Variants in CAMTA1 observed in about 807,000 individuals in gnomAD.
The protein encoded by CAMTA1 is calmodulin-binding transcription activator 1.
A neutral mutation model predicts 170.9 loss-of-function variants in CAMTA1; 27 were observed. The observed-to-expected ratio is 0.16, with a 90% CI of 0.12 to 0.22. The LOEUF (loss-of-function observed/expected upper bound fraction) is 0.22. Among genes scored for constraint, CAMTA1 ranks in the 10% least tolerant of loss-of-function variants. The pLI, the probability that CAMTA1 is intolerant of heterozygous loss-of-function variation, is 1.00. For synonymous variants in CAMTA1, 833 were observed against 891.5 expected, an observed-to-expected ratio of 0.93 and a Z score of 1.17; for missense variants, 1,619 against 2,217.2, an observed-to-expected ratio of 0.73 and a Z score of 5.42.
At chr1:7,266,890 G>A (rs928090572) in intron 5 of CAMTA1, among the ~76,000 whole-genome samples, 11 of 152,298 alleles carry the variant, frequency 7.2e-5, no homozygotes, top group African/African-American at 1.9e-4. Flanking sequence ...GAGGGGGCGC[G>A]GTGGAGGGGC....
intron 5 of CAMTA1, among the ~76,000 whole-genome samples, chr1:7,379,720 T>C (rs2087128839): frequency 6.6e-6 from 1 of 152,214 alleles, no homozygotes; most frequent in African/African-American, 2.4e-5. Context: ...CAGGCAGCAT[T>C]AAAAGGGGAC....
At chr1:7,590,243 C>CCTG (rs973109072) in intron 6 of CAMTA1, among the ~76,000 whole-genome samples, 5 of 152,180 alleles carry the variant, frequency 3.3e-5, no homozygotes, top group Admixed American at 2.6e-4. Flanking sequence ...TCATCAAGGC[C>CCTG]CTGCTGCTGC....
At chr1:6,795,865 TAGTC>T (rs751026703) in intron 1 of CAMTA1, among the ~76,000 whole-genome samples, 45 of 152,336 alleles carry the variant, frequency 3.0e-4, no homozygotes, top group Non-Finnish European at 5.7e-4. Flanking sequence ...AGTTTACCAT[TAGTC>T]AGCCCATAAA....
chr1:7,245,278 G>T, intron 4 of CAMTA1, among the ~76,000 whole-genome samples: 1 of 150,278 alleles, frequency 6.7e-6, no homozygotes. Context: ...TAAGCTATTG[G>T]CTGATAATCT....
chr1:7,226,474 G>T (rs1661712167), intron 4 of CAMTA1, among the ~76,000 whole-genome samples: 1 of 152,110 alleles, frequency 6.6e-6, no homozygotes, highest in East Asian at 1.9e-4. Context: ...CTCTGATAAA[G>T]ATAGAACAGG....
rs1442790426 is a variant in CAMTA1 at position 7,548,822 on chromosome 1, TA to T, written c.510+80922del. ...GGAGGTGCTGGTGGAGGGCACCCCTTAGGGGTGGAGGTGCCCGTGGAGGGTG... is the reference window on the plus strand; with the variant it reads ...GGAGGTGCTGGTGGAGGGCACCCCTTGGGGTGGAGGTGCCCGTGGAGGGTG... On this transcript the variant is annotated intron_variant, in intron 6 of 22. Coordinates refer to ENST00000303635, the MANE Select transcript of CAMTA1 (RefSeq NM_015215.4). Among the ~76,000 whole-genome samples the T allele has an allele frequency of 3.9e-5, 4 of 102,190 alleles. 1 individual carries two copies. Among genetic ancestry groups the T allele is most frequent in the East Asian group, 4.2e-4 (1 of 2,380 alleles). The allele number at this position is 102,190 out of a possible 152,430, so 67.0% of individuals were successfully genotyped here.
At chr1:7,135,593 C>T (rs1645496497) in intron 4 of CAMTA1, among the ~76,000 whole-genome samples, 1 of 152,040 alleles carries the variant, frequency 6.6e-6, no homozygotes, top group Non-Finnish European at 1.5e-5. Flanking sequence ...CACTCCCAGG[C>T]CATTGTCATC....
rs898736985 is a variant in CAMTA1, at chr1:7,010,680, G to A, written c.235-80624G>A. 1.3e-5 allele frequency among the ~76,000 whole-genome samples: 2 copies of A among 152,152 alleles called. No individual in the cohort carries two copies. The highest frequency in any genetic ancestry group is 4.8e-5 in the African/African-American group (2 of 41,426). On this transcript the variant is annotated intron_variant, in intron 3 of 22. Coordinates refer to ENST00000303635, the MANE Select transcript of CAMTA1 (RefSeq NM_015215.4). This position sits in a 1 kb window ranked among gnomAD's most constrained non-coding sequence, Gnocchi z 4.4. ...CTGGCACCGAATAGGTGCTGTTTAC[G>A]TGATAGCTTGTATGGTTGGCTCTCC... is the stretch of plus-strand genomic sequence containing the variant.
At chr1:7,755,919 G>C (rs934455728) in intron 22 of CAMTA1, among the ~76,000 whole-genome samples, 5 of 152,182 alleles carry the variant, frequency 3.3e-5, no homozygotes, top group African/African-American at 1.2e-4. Flanking sequence ...AACCACTGCA[G>C]GGCATGCCGA....
intron 11 of CAMTA1, among the ~76,000 whole-genome samples, chr1:7,715,597 C>A (rs1213267428): frequency 1.3e-5 from 2 of 152,194 alleles, no homozygotes; most frequent in Admixed American, 6.5e-5. Context: ...GTGCCAGCCA[C>A]ATCCCCCTTT....
intron 5 of CAMTA1, among the ~76,000 whole-genome samples, chr1:7,377,987 G>T (rs776731879): frequency 3.9e-5 from 6 of 152,182 alleles, no homozygotes; most frequent in Admixed American, 1.3e-4. Context: ...TTTACATATT[G>T]TGTGGCTTTT....
rs115293855 is a variant in CAMTA1 at position 7,238,476 on chromosome 1, C to T, written c.303-11015C>T. ...ACGTGAAGAATAGAACATGGAATGA[C>T]CAAGACTCGCTGCAGAGCAAGACTG... On this transcript the variant is annotated intron_variant, in intron 4 of 22. Transcript: ENST00000303635. 3.8e-3 allele frequency among the ~76,000 whole-genome samples: 577 copies of T among 152,328 alleles called. 2 individuals are homozygous for T. The highest frequency in any genetic ancestry group is 5.7e-3 in the Non-Finnish European group (389 of 68,022).
In CAMTA1 at chr1:7,663,555, G is replaced by A. The variant is rs763522607; in HGVS notation, c.1008G>A (p.Leu336=). 3 of 1,610,238 alleles carry A rather than the reference G, an allele frequency of 1.9e-6. No individual in the cohort carries two copies. In the East Asian group the frequency reaches 6.7e-5, roughly 36 times the overall value. ...RNGKVAKPVL[L]HQSSTEVSST... is the part of the protein sequence containing the mutation. The stretch of plus-strand genomic sequence containing the variant: ...GCAAGGTGGCCAAGCCCGTGCTCCT[G>A]CACCAGAGCAGCACCGAGGTCTCCT... The change falls in exon 9 of 23, where the codon CTG becomes CTA. Residue 336 remains leucine (L), a synonymous_variant. Transcript: ENST00000303635.
At chr1:7,370,835 T>C (rs2086384448) in intron 5 of CAMTA1, among the ~76,000 whole-genome samples, 1 of 152,036 alleles carries the variant, frequency 6.6e-6, no homozygotes, top group Non-Finnish European at 1.5e-5. Context: ...CCCCTTGTCC[T>C]TCCCACCAAA....
intron 3 of CAMTA1, among the ~76,000 whole-genome samples, chr1:7,021,403 TTGTC>T (rs1240355190): frequency 6.8e-6 from 1 of 146,120 alleles, no homozygotes; most frequent in African/African-American, 2.8e-5. Flanking sequence ...GCTTCTCTCT[TTGTC>T]TGTCTGCTCC....
chr1:7,761,443 A>T (rs1312684772), intron 22 of CAMTA1, among the ~76,000 whole-genome samples: 2 of 151,858 alleles, frequency 1.3e-5, no homozygotes, highest in East Asian at 3.9e-4. Context: ...TTTTTTAGAT[A>T]GCCTGGACAT....
rs1269897953 is a variant in CAMTA1, at chr1:6,918,357, G to C, written c.234+93147G>C. Among the ~76,000 whole-genome samples, 1 of 152,194 alleles carries C rather than the reference G, an allele frequency of 6.6e-6. No homozygotes were observed. The highest frequency in any genetic ancestry group is 1.5e-5 in the Non-Finnish European group (1 of 68,030). ...TGTCCTGGGAGCCAATGAGCAGACA[G>C]AGTTTGGGTAATCTATGCAAAGGCC... On this transcript the variant is annotated intron_variant, in intron 3 of 22. Transcript: ENST00000303635. This position sits in a 1 kb window ranked among gnomAD's most constrained non-coding sequence, Gnocchi z 4.0.
intron 4 of CAMTA1, among the ~76,000 whole-genome samples, chr1:7,196,100 G>C (rs1443875134): frequency 6.6e-6 from 1 of 152,148 alleles, no homozygotes; most frequent in Admixed American, 6.5e-5. Flanking sequence ...GCCTGCAGGA[G>C]GTGATTGAAT....
intron 6 of CAMTA1, among the ~76,000 whole-genome samples, chr1:7,509,284 C>G (rs1435656949): frequency 6.6e-6 from 1 of 152,204 alleles, no homozygotes; most frequent in African/African-American, 2.4e-5. Flanking sequence ...TCACTTTATC[C>G]CATCCTCACG....
Sources: allele counts gnomAD v4.1 joint callset (sites outside exome capture counted in the v4.1 genomes callset), GRCh38; gene constraint gnomAD v4.1.1; non-coding constraint Gnocchi (gnomAD v3.1); transcripts MANE v1.5; gene names NCBI Gene and HGNC (gene_info 2026-07-23, HGNC 2026-07-21).